The following FUCA2 variants were observed in gnomAD, a reference collection of about 807,000 sequenced individuals.
The protein encoded by FUCA2 is alpha-L-fucosidase 2, also known as plasma alpha-L-fucosidase.
In FUCA2, 41 loss-of-function variants were observed where a neutral mutation model predicts 52.6. That is an observed-to-expected ratio of 0.78 (90% CI 0.61 to 1.01). FUCA2 has a LOEUF of 1.01. FUCA2 is among the 50% of genes least tolerant of loss of function. The pLI is 0.00. For synonymous variants in FUCA2, 211 were observed against 217.3 expected (o/e 0.97, Z 0.26); for missense variants, 507 against 569.5 (o/e 0.89, Z 1.12).
chr6:143,495,428 A>T lies in FUCA2; in HGVS notation c.*279T>A. On this transcript the variant is annotated 3_prime_UTR_variant, in exon 7 of 7. Coordinates refer to ENST00000002165, the MANE Select transcript of FUCA2 (RefSeq NM_032020.5). This position sits in a 1 kb window ranked among gnomAD's most constrained non-coding sequence, Gnocchi z 5.2. ...TTTCAGTTCGGTCCATAATACCACC[A>T]ATTCCTTGCTACTATAATGTGAAAA... 1 of 317,982 alleles carries T rather than the reference A, an allele frequency of 3.1e-6. No homozygotes were observed. Among genetic ancestry groups the T allele is most frequent in the Non-Finnish European group, 5.8e-6 (1 of 173,806 alleles). 19.7% of individuals were successfully genotyped at this position (317,982 alleles called of 1,614,324 possible). A position where few individuals can be genotyped will look rare whatever the true frequency, so the allele number is the denominator to read the frequency against.
Position 143,511,341 on chromosome 6 carries a change from C to T in FUCA2, c.224+70G>A. On this transcript the variant is annotated intron_variant, in intron 1 of 6. Coordinates refer to ENST00000002165, the MANE Select transcript of FUCA2 (RefSeq NM_032020.5). The surrounding 1 kb of genome is among the most constrained non-coding windows in gnomAD (Gnocchi z 6.3). ...AGCACCAGGCGGCGAACCAGGCCCG[C>T]TGGGTGGTGGCTGGAGGCTGCGGGT... 7.0e-7 allele frequency: 1 copy of T among 1,433,548 alleles called. No individual in the cohort carries two copies. The highest frequency in any genetic ancestry group is 9.4e-7 in the Non-Finnish European group (1 of 1,058,718). 88.8% of individuals were successfully genotyped at this position (1,433,548 alleles called of 1,614,324 possible).
intron 1 of FUCA2, among the ~76,000 whole-genome samples, chr6:143,508,181 A>C (rs191646921): frequency 2.0e-5 from 3 of 152,380 alleles, no homozygotes; most frequent in Admixed American, 2.0e-4. Flanking sequence ...CTGTTATTTT[A>C]ATAAATGGAC....
At position 143,499,910 on chromosome 6, in the gene FUCA2, A is replaced by G. The variant is rs9496646; in HGVS notation, c.1154+2022T>C. Among the ~76,000 whole-genome samples the G allele has an allele frequency of 0.48, 72,731 of 152,054 alleles. 19,086 individuals carry two copies. The highest frequency in any genetic ancestry group is 0.69 in the African/African-American group (28,638 of 41,456). On this transcript the variant is annotated intron_variant, in intron 5 of 6. Coordinates refer to ENST00000002165, the MANE Select transcript of FUCA2 (RefSeq NM_032020.5). The surrounding 1 kb of genome is among the most constrained non-coding windows in gnomAD (Gnocchi z 6.0). ...AGGAAAGGAGAGAAATGGGAAGATCACTAGAAATGCAAGTGAAATTGAGTT... is the reference window on the plus strand; with the variant it reads ...AGGAAAGGAGAGAAATGGGAAGATCGCTAGAAATGCAAGTGAAATTGAGTT...
In FUCA2 at chr6:143,507,467, A is replaced by G; in HGVS notation, c.225-43T>C. On this transcript the variant is annotated intron_variant, in intron 1 of 6. Transcript: ENST00000002165. This position sits in a 1 kb window ranked among gnomAD's most constrained non-coding sequence, Gnocchi z 4.5. ...AAGAGTGCATAAACAGCACATACAC[A>G]CATATTTAAAAGAACTGCTCCAGCT... The G allele has an allele frequency of 1.4e-6, 2 of 1,391,386 alleles. No homozygotes were observed. The highest frequency in any genetic ancestry group is 1.5e-5 in the African/African-American group (1 of 66,892). 86.2% of individuals were successfully genotyped at this position (1,391,386 alleles called of 1,614,324 possible). A position where few individuals can be genotyped will look rare whatever the true frequency, so the allele number is the denominator to read the frequency against.
chr6:143,503,777 T>C lies in FUCA2; in HGVS notation c.752+136A>G. ...AGTAAATAGTGATATATCTAATAAG[T>C]ATTATTTACAATGATTTTCTCCCCC... On this transcript the variant is annotated intron_variant, in intron 3 of 6. Coordinates refer to ENST00000002165, the MANE Select transcript of FUCA2 (RefSeq NM_032020.5). The surrounding 1 kb of genome is among the most constrained non-coding windows in gnomAD (Gnocchi z 4.8). 1.5e-6 allele frequency: 1 copy of C among 651,246 alleles called. No individual in the cohort carries two copies. The highest frequency in any genetic ancestry group is 2.6e-6 in the Non-Finnish European group (1 of 385,202). 40.3% of individuals were successfully genotyped at this position (651,246 alleles called of 1,614,324 possible). A position where few individuals can be genotyped will look rare whatever the true frequency, so the allele number is the denominator to read the frequency against.
Position 143,502,689 on chromosome 6 carries a change from GA to G in FUCA2, c.753-125del, listed in dbSNP as rs1344261211. 5 of 807,908 alleles carry G rather than the reference GA, an allele frequency of 6.2e-6. No homozygotes were observed. The highest frequency in any genetic ancestry group is 7.6e-6 in the Non-Finnish European group (4 of 527,040). 50.0% of individuals were successfully genotyped at this position (807,908 alleles called of 1,614,324 possible). On this transcript the variant is annotated intron_variant, in intron 3 of 6. Coordinates refer to ENST00000002165, the MANE Select transcript of FUCA2 (RefSeq NM_032020.5). This position sits in a 1 kb window ranked among gnomAD's most constrained non-coding sequence, Gnocchi z 4.1. ...AAAGGGACCATGGCATAGTACAGTGGAAAGCCCATGGTTTTGAAGTCAAACA... is the reference window on the plus strand; with the variant it reads ...AAAGGGACCATGGCATAGTACAGTGGAAGCCCATGGTTTTGAAGTCAAACA...
Position 143,503,694 on chromosome 6 carries a change from C to CA in FUCA2, c.752+218dup. 1 of 470,668 alleles carries CA rather than the reference C, an allele frequency of 2.1e-6. No individual in the cohort carries two copies. Among genetic ancestry groups the CA allele is most frequent in the Non-Finnish European group, 3.7e-6 (1 of 267,380 alleles). 29.2% of individuals were successfully genotyped at this position (470,668 alleles called of 1,614,324 possible). ...GATCCTGTGATTTTTAGTCTGATCT[C>CA]AAAATCAGACCATTGAGTTGGATTT... On this transcript the variant is annotated intron_variant, in intron 3 of 6. Transcript: ENST00000002165. The surrounding 1 kb of genome is among the most constrained non-coding windows in gnomAD (Gnocchi z 4.8).
rs752766321 is a variant in FUCA2 at position 143,503,900 on chromosome 6, A to T, written c.752+13T>A. 27 of 1,583,192 alleles carry T rather than the reference A, an allele frequency of 1.7e-5. No homozygotes were observed. Among genetic ancestry groups the T allele is most frequent in the Non-Finnish European group, 2.2e-5 (25 of 1,158,688 alleles). On this transcript the variant is annotated intron_variant, in intron 3 of 6. Transcript: ENST00000002165. The surrounding 1 kb of genome is among the most constrained non-coding windows in gnomAD (Gnocchi z 4.8). ...TATGGAGGGTAACTGCAGCAATCTCATAGCATACACACCTTTCATTATATA... is the reference window on the plus strand; with the variant it reads ...TATGGAGGGTAACTGCAGCAATCTCTTAGCATACACACCTTTCATTATATA...
At chr6:143,506,234 C>CAGGATTTGAG (rs1780606593) in intron 2 of FUCA2, 1 of 150,286 alleles carries the variant, frequency 6.7e-6, no homozygotes, top group South Asian at 2.1e-4. Context: ...CTCCCTCCGC[C>CAGGATTTGAG]ACCTAGACTG....
chr6:143,510,410 C>T lies in FUCA2; in HGVS notation c.224+1001G>A, dbSNP rs1274679293. On this transcript the variant is annotated intron_variant, in intron 1 of 6. Transcript: ENST00000002165. This position sits in a 1 kb window ranked among gnomAD's most constrained non-coding sequence, Gnocchi z 4.4. ...CTGGAATTACAGGTATGAGCCACCG[C>T]GGATCACCTGAGGTCAGGAGTTCAA... Among the ~76,000 whole-genome samples, 2 of 151,950 alleles carry T rather than the reference C, an allele frequency of 1.3e-5. No individual in the cohort carries two copies. The highest frequency in any genetic ancestry group is 2.1e-4 in the South Asian group (1 of 4,812).
chr6:143,504,196 G>T lies in FUCA2; in HGVS notation c.469C>A (p.Pro157Thr), dbSNP rs770853517. The T allele has an allele frequency of 6.2e-7, 1 of 1,614,094 alleles. No individual in the cohort carries two copies. The highest frequency in any genetic ancestry group is 8.5e-7 in the Non-Finnish European group (1 of 1,180,014). The change falls in exon 3 of 7, where the codon CCC becomes ACC. Residue 157 changes from proline (P) to threonine (T), a missense_variant. By Grantham distance (38) the Pro-to-Thr change is conservative. Transcript: ENST00000002165. The surrounding 1 kb of genome is among the most constrained non-coding windows in gnomAD (Gnocchi z 4.4). ...SWNWNAIDEG[P>T]KRDIVKELEV... is the part of the protein sequence containing the mutation. ...AGTTCCTTGACAATGTCCCTCTTGG[G>T]CCCCTCATCTATGGCATTCCAGTTC...
chr6:143,504,195 G>C lies in FUCA2; in HGVS notation c.470C>G (p.Pro157Arg). The C allele has an allele frequency of 6.2e-7, 1 of 1,614,092 alleles. No individual in the cohort carries two copies. The highest frequency in any genetic ancestry group is 2.2e-5 in the East Asian group (1 of 44,886). The change falls in exon 3 of 7, where the codon CCC (proline) becomes CGC (arginine). Residue 157 changes from proline (P) to arginine (R), a missense_variant. Physicochemically the swap from Pro to Arg is moderately radical, Grantham distance 103. Transcript: ENST00000002165. This position sits in a 1 kb window ranked among gnomAD's most constrained non-coding sequence, Gnocchi z 4.4. Reference sequence around the variant, plus strand: ...AAGTTCCTTGACAATGTCCCTCTTGGGCCCCTCATCTATGGCATTCCAGTT... The same window carrying C: ...AAGTTCCTTGACAATGTCCCTCTTGCGCCCCTCATCTATGGCATTCCAGTT... Reference protein sequence around the residue: ...SWNWNAIDEGPKRDIVKELEV... With the variant: ...SWNWNAIDEGRKRDIVKELEV...
chr6:143,502,030 T>G lies in FUCA2; in HGVS notation c.1056A>C (p.Arg352=), dbSNP rs754015493. ...DGTISVVFEE[R]LRQMGSWLKV... ...TTAGCCAGGACCCCATTTGCCTCAG[T>G]CGCTCCTCAAAAACTACAGAAATGG... Residue 352 remains arginine, a synonymous_variant, in exon 5 of 7, where the codon CGA becomes CGC. Transcript: ENST00000002165. The surrounding 1 kb of genome is among the most constrained non-coding windows in gnomAD (Gnocchi z 4.1). 1 of 1,613,894 alleles carries G rather than the reference T, an allele frequency of 6.2e-7. No homozygotes were observed. Among genetic ancestry groups the G allele is most frequent in the Admixed American group, 1.7e-5 (1 of 59,954 alleles).
intron 5 of FUCA2, among the ~76,000 whole-genome samples, chr6:143,498,585 A>G (rs1359396446): frequency 1.3e-5 from 2 of 152,150 alleles, no homozygotes; most frequent in Admixed American, 1.3e-4. Flanking sequence ...CTGTTGATGC[A>G]CTAGCAAGGC....
intron 1 of FUCA2, among the ~76,000 whole-genome samples, chr6:143,508,826 A>G (rs1780645685): frequency 6.6e-6 from 1 of 152,186 alleles, no homozygotes; most frequent in South Asian, 2.1e-4. Flanking sequence ...ACAAGCCCCT[A>G]TCATTATACC....
chr6:143,511,419 C>A lies in FUCA2; in HGVS notation c.216G>T (p.Glu72Asp). The change falls in exon 1 of 7, where the codon GAG (glutamate) becomes GAT (aspartate). Residue 72 changes from glutamate to aspartate, a missense_variant. Glu to Asp is a conservative substitution (Grantham distance 45). Coordinates refer to ENST00000002165, the MANE Select transcript of FUCA2 (RefSeq NM_032020.5). The surrounding 1 kb of genome is among the most constrained non-coding windows in gnomAD (Gnocchi z 6.3). ...GVFSVPSFGS[E>D]WFWWYWQKEK... ...AAAGGGAGCGCACTCACCAGAACCA[C>A]TCGCTACCGAAGCTGGGCACGGAAA... 6.2e-7 allele frequency: 1 copy of A among 1,611,096 alleles called. No homozygotes were observed. Among genetic ancestry groups the A allele is most frequent in the Non-Finnish European group, 8.5e-7 (1 of 1,178,402 alleles).
Position 143,502,223 on chromosome 6 carries a change from T to G in FUCA2, c.964-101A>C, listed in dbSNP as rs118054374. Reference sequence around the variant, plus strand: ...TATTTATACATGTATATATAGTCACTGCCTAGAAGAACAAACACAGGATAG... The same window carrying G: ...TATTTATACATGTATATATAGTCACGGCCTAGAAGAACAAACACAGGATAG... On this transcript the variant is annotated intron_variant, in intron 4 of 6. Transcript: ENST00000002165. The surrounding 1 kb of genome is among the most constrained non-coding windows in gnomAD (Gnocchi z 4.1). The G allele has an allele frequency of 8.1e-3, 10,566 of 1,311,550 alleles. 610 individuals carry two copies. In the Admixed American group the frequency reaches 0.14, roughly 17 times the overall value. 81.2% of individuals were successfully genotyped at this position (1,311,550 alleles called of 1,614,324 possible). A position where few individuals can be genotyped will look rare whatever the true frequency, so the allele number is the denominator to read the frequency against.
In FUCA2 at chr6:143,502,472, G is replaced by C. The variant is rs781151176; in HGVS notation, c.846C>G (p.Asn282Lys). ...ATTTATGTGGCAAAAGATGTCCTGG[G>C]TTATAACGATCACTGCAGGTATAGA... ...GGFYTCSDRY[N>K]PGHLLPHKWE... is the part of the protein sequence containing the mutation. The change falls in exon 4 of 7, where the codon AAC (asparagine) becomes AAG (lysine). Residue 282 changes from asparagine (N) to lysine (K), a missense_variant. Transcript: ENST00000002165. This position sits in a 1 kb window ranked among gnomAD's most constrained non-coding sequence, Gnocchi z 4.1. 3 of 1,614,056 alleles carry C rather than the reference G, an allele frequency of 1.9e-6. No homozygotes were observed. Among genetic ancestry groups the C allele is most frequent in the Non-Finnish European group, 2.5e-6 (3 of 1,179,980 alleles).
chr6:143,509,462 T>G lies in FUCA2; in HGVS notation c.224+1949A>C, dbSNP rs1276543313. On this transcript the variant is annotated intron_variant, in intron 1 of 6. Transcript: ENST00000002165. The surrounding 1 kb of genome is among the most constrained non-coding windows in gnomAD (Gnocchi z 5.4). Reference sequence around the variant, plus strand: ...TATCTGTAGAAAATGAAGTTATTCATAGCAAAGAATAAAATGACTCAAAAC... The same window carrying G: ...TATCTGTAGAAAATGAAGTTATTCAGAGCAAAGAATAAAATGACTCAAAAC... 6.6e-6 allele frequency among the ~76,000 whole-genome samples: 1 copy of G among 152,244 alleles called. No individual in the cohort carries two copies. The highest frequency in any genetic ancestry group is 1.5e-5 in the Non-Finnish European group (1 of 68,036).
Sources: gnomAD v4.1 joint callset for allele counts (sites outside exome capture counted in the v4.1 genomes callset) on GRCh38, gnomAD v4.1.1 for gene constraint, Gnocchi (gnomAD v3.1) non-coding constraint, MANE v1.5 for transcripts, NCBI Gene and HGNC (gene_info 2026-07-23, HGNC 2026-07-21) for gene names.